FHIT: variants seen among roughly 807,000 people sequenced by gnomAD.
The protein encoded by FHIT is fragile histidine triad diadenosine triphosphatase, also known as bis(5'-adenosyl)-triphosphatase.
FHIT carries 19 observed loss-of-function variants against 17.9 expected under a neutral mutation model. The ratio of observed to expected loss-of-function variants is 1.06; its 90% CI spans 0.74 to 1.56. The LOEUF (loss-of-function observed/expected upper bound fraction) is 1.56. Ranked by LOEUF, FHIT falls within the 40% of genes most tolerant of loss-of-function variation. FHIT has a pLI of 0.00. For synonymous variants in FHIT, 81 were observed against 69.7 expected (o/e 1.16, Z -0.81); for missense variants, 248 against 189.2 (o/e 1.31, Z -1.82).
intron 3 of FHIT, among the ~76,000 whole-genome samples, chr3:60,928,361 G>C (rs1228679359): frequency 9.3e-6 from 1 of 107,680 alleles, no homozygotes; most frequent in African/African-American, 3.7e-5. Flanking sequence ...GTGTATGAAA[G>C]AACTTTAAAA....
At chr3:60,374,551 G>T (rs1700465551) in intron 5 of FHIT, among the ~76,000 whole-genome samples, 1 of 150,636 alleles carries the variant, frequency 6.6e-6, no homozygotes, top group East Asian at 1.9e-4. Flanking sequence ...TTCCACCCCA[G>T]ATTTTTTATA....
Position 60,606,237 on chromosome 3 carries a change from T to C in FHIT, c.-17-69258A>G, listed in dbSNP as rs565860260. On this transcript the variant is annotated intron_variant, in intron 4 of 9. Coordinates refer to ENST00000492590, the MANE Select transcript of FHIT (RefSeq NM_002012.4). ...TTCCTCAGTCCCTATTCCCTCATTGTAATAGCATTTTTTTTTTTTTTGAGA... is the reference window on the plus strand; with the variant it reads ...TTCCTCAGTCCCTATTCCCTCATTGCAATAGCATTTTTTTTTTTTTTGAGA... 2.0e-5 allele frequency among the ~76,000 whole-genome samples: 3 copies of C among 151,560 alleles called. No homozygotes were observed. The South Asian group carries it at 6.3e-4, about 32-fold the overall frequency.
intron 3 of FHIT, among the ~76,000 whole-genome samples, chr3:60,903,576 A>C (rs1478901053): frequency 2.0e-5 from 3 of 152,238 alleles, no homozygotes; most frequent in African/African-American, 7.2e-5. Context: ...TTAATTTAGC[A>C]ACTACATTCC....
At chr3:61,051,510 A>G (rs112787195) in intron 2 of FHIT, among the ~76,000 whole-genome samples, 5,524 of 152,006 alleles carry the variant, frequency 0.036, 143 homozygotes, top group Non-Finnish European at 0.056. Context: ...CAGCCTCCCA[A>G]AGTTCTGGGA....
Position 60,553,656 on chromosome 3 carries a change from T to C in FHIT, c.-17-16677A>G, listed in dbSNP as rs138137093. On this transcript the variant is annotated intron_variant, in intron 4 of 9. Transcript: ENST00000492590. ...TCAACCTGACCTTGAGTATTAAACA[T>C]GGTATCATATTTACAAAAATGTATA... Among the ~76,000 whole-genome samples, 93 of 151,700 alleles carry C rather than the reference T, an allele frequency of 6.1e-4. 1 individual carries two copies. Among genetic ancestry groups the C allele is most frequent in the African/African-American group, 2.2e-3 (92 of 41,398 alleles).
chr3:60,174,347 C>T (rs1701571625), intron 5 of FHIT, among the ~76,000 whole-genome samples: 1 of 151,974 alleles, frequency 6.6e-6, no homozygotes, highest in Non-Finnish European at 1.5e-5. Flanking sequence ...TATCATTTTT[C>T]CCTTTGATAG....
intron 5 of FHIT, among the ~76,000 whole-genome samples, chr3:60,160,358 T>C (rs760863412): frequency 3.9e-5 from 6 of 152,234 alleles, no homozygotes; most frequent in Non-Finnish European, 8.8e-5. Flanking sequence ...TTCATGGTCA[T>C]AAGGCCAGGA....
chr3:59,882,336 C>A (rs927630702), intron 8 of FHIT, among the ~76,000 whole-genome samples: 1 of 152,122 alleles, frequency 6.6e-6, no homozygotes, highest in Non-Finnish European at 1.5e-5. Flanking sequence ...AACACCCTCA[C>A]ATCTTCAATT....
intron 8 of FHIT, among the ~76,000 whole-genome samples, chr3:59,765,989 A>C (rs1160806864): frequency 6.6e-6 from 1 of 152,198 alleles, no homozygotes; most frequent in Non-Finnish European, 1.5e-5. Context: ...AAAAATATAC[A>C]CACTTTAGGA....
chr3:60,449,876 G>A (rs1034590366), intron 5 of FHIT, among the ~76,000 whole-genome samples: 3 of 151,640 alleles, frequency 2.0e-5, no homozygotes, highest in East Asian at 1.9e-4. Flanking sequence ...GGTGGCACAC[G>A]CCTGTAGTCC....
intron 4 of FHIT, among the ~76,000 whole-genome samples, chr3:60,599,178 C>T (rs545944031): frequency 6.6e-6 from 1 of 152,104 alleles, no homozygotes; most frequent in African/African-American, 2.4e-5. Flanking sequence ...AGGGAGAGCT[C>T]ATATACTCTG....
chr3:60,672,603 G>C (rs974300495), intron 4 of FHIT, among the ~76,000 whole-genome samples: 4 of 152,160 alleles, frequency 2.6e-5, no homozygotes, highest in Admixed American at 6.5e-5. Flanking sequence ...GGGCGTATAC[G>C]TGCAAGTCAC....
chr3:61,186,512 T>C (rs1284727952), intron 2 of FHIT, among the ~76,000 whole-genome samples: 4 of 152,214 alleles, frequency 2.6e-5, no homozygotes, highest in Non-Finnish European at 4.4e-5. Context: ...TGGCTGGATA[T>C]GCAAAGAAGC....
At chr3:59,893,769 C>G (rs1350956744) in intron 8 of FHIT, among the ~76,000 whole-genome samples, 1 of 152,228 alleles carries the variant, frequency 6.6e-6, no homozygotes, top group Non-Finnish European at 1.5e-5. Context: ...GCGTCCACAG[C>G]AGCCCCATGA....
At chr3:60,376,232 C>A (rs940468325) in intron 5 of FHIT, among the ~76,000 whole-genome samples, 3 of 152,162 alleles carry the variant, frequency 2.0e-5, no homozygotes, top group African/African-American at 7.2e-5. Context: ...ACACCACAAG[C>A]CCCCATGCTT....
chr3:60,215,649 C>A (rs1703665397), intron 5 of FHIT, among the ~76,000 whole-genome samples: 1 of 152,140 alleles, frequency 6.6e-6, no homozygotes, highest in African/African-American at 2.4e-5. Context: ...GTTGAAATAT[C>A]AATGAGTCTG....
chr3:60,967,615 T>A (rs1240652383), intron 3 of FHIT, among the ~76,000 whole-genome samples: 1 of 152,206 alleles, frequency 6.6e-6, no homozygotes, highest in Non-Finnish European at 1.5e-5. Context: ...CATTTTATGC[T>A]TATGCAATGT....
At chr3:60,435,285 G>A (rs1208586615) in intron 5 of FHIT, among the ~76,000 whole-genome samples, 1 of 152,112 alleles carries the variant, frequency 6.6e-6, no homozygotes, top group Non-Finnish European at 1.5e-5. Flanking sequence ...AACATTACTA[G>A]GGAGTCTAAC....
At chr3:60,000,269 C>T (rs1043610629) in intron 7 of FHIT, among the ~76,000 whole-genome samples, 5 of 152,218 alleles carry the variant, frequency 3.3e-5, no homozygotes, top group East Asian at 3.9e-4. Flanking sequence ...GTGGCAGAGA[C>T]AACTGACTTA....
Sources: allele counts gnomAD v4.1 joint callset (sites outside exome capture counted in the v4.1 genomes callset), GRCh38; gene constraint gnomAD v4.1.1; transcripts MANE v1.5; gene names NCBI Gene and HGNC (gene_info 2026-07-23, HGNC 2026-07-21).